NT5DC4: variants seen among roughly 807,000 people sequenced by gnomAD.
NT5DC4 encodes 5'-nucleotidase domain containing 4, also known as 5'-nucleotidase domain-containing protein 4.
NT5DC4 carries 44 observed loss-of-function variants against 26.6 expected under a neutral mutation model. That is an observed-to-expected ratio of 1.65 (90% CI 1.30 to 2.13). The LOEUF (loss-of-function observed/expected upper bound fraction) is 2.13, where lower values mean the gene tolerates loss of function less well. Ranked by LOEUF, NT5DC4 falls within the 30% of genes most tolerant of loss-of-function variation. The pLI is 0.00. For synonymous variants in NT5DC4, 157 were observed against 86.7 expected (o/e 1.81, Z -4.51); for missense variants, 399 against 228.1 (o/e 1.75, Z -4.83).
chr2:112,727,865 C>T (rs1677949809), intron 15 of NT5DC4, among the ~76,000 whole-genome samples: 1 of 152,236 alleles, frequency 6.6e-6, no homozygotes, highest in Non-Finnish European at 1.5e-5. Flanking sequence ...CGGTTTCCGC[C>T]AGACACTCTT....
intron 3 of NT5DC4, 33 bp from the exon 4 acceptor site, chr2:112,722,150 C>G: frequency 1.5e-6 from 1 of 667,764 alleles, no homozygotes. Flanking sequence ...TTGGTACCCC[C>G]ACCCACAGTG....
chr2:112,738,336 C>T (rs1057432402), intron 16 of NT5DC4: 3 of 154,804 alleles, frequency 1.9e-5, no homozygotes, highest in African/African-American at 7.2e-5. Flanking sequence ...TGAGCAAAGG[C>T]ACAGCTAGCA....
In NT5DC4 at chr2:112,722,263, T is replaced by C. The variant is rs958237611; in HGVS notation, c.347T>C (p.Phe116Ser). 1.4e-6 allele frequency: 1 copy of C among 717,026 alleles called. No homozygotes were observed. Among genetic ancestry groups the C allele is most frequent in the Non-Finnish European group, 2.6e-6 (1 of 385,082 alleles). 44.4% of individuals were successfully genotyped at this position (717,026 alleles called of 1,614,324 possible). Residue 116 changes from phenylalanine to serine, a missense_variant, in exon 4 of 17, where the codon TTC (phenylalanine) becomes TCC (serine). By Grantham distance (155) the Phe-to-Ser change is radical. Transcript: ENST00000688554. ...HGNVLLGAYG[F>S]TFLSDLPLLR... is the part of the protein sequence containing the mutation. ...AATGTGCTGCTGGGTGCCTATGGCT[T>C]CACCTTCCTCTCGGAGTAAGGGACA...
intron 15 of NT5DC4, chr2:112,726,949 G>C (rs1385108603): frequency 1.7e-6 from 1 of 590,238 alleles, no homozygotes; most frequent in African/African-American, 1.9e-5. Context: ...GAAGGGCTGA[G>C]TTGAGCCTGA....
intron 15 of NT5DC4, 89 bp from the exon 16 acceptor site, chr2:112,729,538 G>T: frequency 1.4e-6 from 1 of 699,466 alleles, no homozygotes; most frequent in Non-Finnish European, 2.7e-6. Context: ...TGGCAGCTGT[G>T]GGCAGGGGAG....
At chr2:112,742,453 T>C (rs148979924), downstream of NT5DC4, 300 of 717,842 alleles carry the variant, frequency 4.2e-4, no homozygotes, top group East Asian at 8.0e-3. Flanking sequence ...CCATCTAGGA[T>C]TCCAAGGAAG....
At chr2:112,727,825 C>T (rs1677943855) in intron 15 of NT5DC4, among the ~76,000 whole-genome samples, 1 of 152,188 alleles carries the variant, frequency 6.6e-6, no homozygotes, top group Admixed American at 6.5e-5. Flanking sequence ...TGGACCTGTG[C>T]TACAGCACCA....
At chr2:112,727,593 G>A (rs2104758835) in intron 15 of NT5DC4, among the ~76,000 whole-genome samples, 1 of 152,332 alleles carries the variant, frequency 6.6e-6, no homozygotes, top group Middle Eastern at 3.4e-3. Flanking sequence ...CGGGGCCTGT[G>A]GCAAAGTGAG....
At chr2:112,721,781 G>T in intron 1 of NT5DC4, 37 bp from the exon 2 acceptor site, 1 of 717,132 alleles carries the variant, frequency 1.4e-6, no homozygotes, top group South Asian at 1.5e-5. Flanking sequence ...CTGGGGGGCT[G>T]GTGGACTGAT....
intron 10 of NT5DC4, chr2:112,724,367 G>C (rs79015426): frequency 1.7e-6 from 1 of 591,972 alleles, no homozygotes; most frequent in Admixed American, 2.9e-5. Flanking sequence ...ATGTGGGGAC[G>C]GGCGGCAGAA....
chr2:112,726,010 C>T lies in NT5DC4; in HGVS notation c.1154-228C>T, dbSNP rs966654464. On this transcript the variant is annotated intron_variant, in intron 13 of 16. Coordinates refer to ENST00000688554, the MANE Select transcript of NT5DC4 (RefSeq NM_001393655.1). ...TAGGTTTGAGTCATTGCCGTGTGAC[C>T]TCAGGAAGGTCACCTGACTCCCTCA... 2.6e-5 allele frequency among the ~76,000 whole-genome samples: 4 copies of T among 152,140 alleles called. No individual in the cohort carries two copies. The East Asian group carries it at 7.7e-4, about 29-fold the overall frequency.
At chr2:112,741,365 T>C (rs1558753842), downstream of NT5DC4, among the ~76,000 whole-genome samples, 1 of 152,194 alleles carries the variant, frequency 6.6e-6, no homozygotes, top group Non-Finnish European at 1.5e-5. Flanking sequence ...CTTGGATCAA[T>C]TTTCTTGACT....
downstream of NT5DC4, among the ~76,000 whole-genome samples, chr2:112,740,202 A>C (rs988227846): frequency 1.3e-5 from 2 of 152,138 alleles, no homozygotes; most frequent in African/African-American, 4.8e-5. Context: ...TAGTGGGAAA[A>C]TGGTGTGTGT....
chr2:112,742,312 G>A (rs925102196), downstream of NT5DC4: 31 of 706,262 alleles, frequency 4.4e-5, no homozygotes, highest in Non-Finnish European at 7.1e-5. Context: ...AGATTCCTGA[G>A]ATAGCTATTT....
chr2:112,725,621 T>C (rs977501743), intron 13 of NT5DC4, 69 bp downstream of exon 13: 2 of 599,188 alleles, frequency 3.3e-6, no homozygotes, highest in Non-Finnish European at 6.1e-6. Flanking sequence ...AGCACTGCCT[T>C]CTCCTTTTTC....
At chr2:112,732,920 T>C (rs530096726) in intron 16 of NT5DC4, among the ~76,000 whole-genome samples, 67 of 152,320 alleles carry the variant, frequency 4.4e-4, no homozygotes, top group Non-Finnish European at 7.2e-4. Context: ...TTGTGGTTCC[T>C]AGATTAACAC....
At chr2:112,741,223 C>T (rs1679937353), downstream of NT5DC4, among the ~76,000 whole-genome samples, 1 of 152,124 alleles carries the variant, frequency 6.6e-6, no homozygotes, top group South Asian at 2.1e-4. Flanking sequence ...ACCCTCGTAG[C>T]CAGCCCCCGA....
Position 112,723,394 on chromosome 2 carries a change from C to CACACACACACACACACACACAG in NT5DC4, c.622-23_622-22insCACACACACACACACACACAGA, listed in dbSNP as rs752115339. The CACACACACACACACACACACAG allele has an allele frequency of 3.1e-5, 22 of 716,206 alleles. No homozygotes were observed. In the African/African-American group the frequency reaches 3.5e-4, roughly 11 times the overall value. The allele number at this position is 716,206 out of a possible 1,614,324, so 44.4% of individuals were successfully genotyped here. A position where few individuals can be genotyped will look rare whatever the true frequency, so the allele number is the denominator to read the frequency against. On this transcript the variant is annotated intron_variant, in intron 7 of 16. Coordinates refer to ENST00000688554, the MANE Select transcript of NT5DC4 (RefSeq NM_001393655.1). ...ACACACACACACACACACACACACA[C>CACACACACACACACACACACAG]AGGCACTTTGCTCCCTCCTGCAGGG... is the stretch of plus-strand genomic sequence containing the variant.
chr2:112,720,790 C>T (rs377697738), upstream of NT5DC4, among the ~76,000 whole-genome samples: 6 of 152,174 alleles, frequency 3.9e-5, no homozygotes, highest in East Asian at 1.9e-4. Flanking sequence ...CTCTCCAGGC[C>T]GCTGAGGTCC....
Sources: allele counts gnomAD v4.1 joint callset (sites outside exome capture counted in the v4.1 genomes callset), GRCh38; gene constraint gnomAD v4.1.1; transcripts MANE v1.5; gene names NCBI Gene and HGNC (gene_info 2026-07-23, HGNC 2026-07-21).